Variants in ASTN2 observed in about 807,000 individuals in gnomAD.
The protein encoded by ASTN2 is astrotactin 2, also known as astrotactin-2.
ASTN2 carries 54 observed loss-of-function variants against 139.8 expected under a neutral mutation model. The observed-to-expected ratio is 0.39, with a 90% CI of 0.31 to 0.48. ASTN2 has a LOEUF of 0.48. Ranked by LOEUF, ASTN2 falls within the 20% of genes least tolerant of loss-of-function variation. The pLI, the probability that ASTN2 is intolerant of heterozygous loss-of-function variation, is 0.95. For synonymous variants in ASTN2, 756 were observed against 719.5 expected (o/e 1.05, Z -0.81); for missense variants, 1,565 against 1,725.1 (o/e 0.91, Z 1.64).
At chr9:117,257,765 G>C (rs958138200) in intron 2 of ASTN2, among the ~76,000 whole-genome samples, 16 of 152,270 alleles carry the variant, frequency 1.1e-4, no homozygotes, top group Middle Eastern at 3.4e-3. Flanking sequence ...AGAAATGAGG[G>C]GCAAAACAGC....
intron 19 of ASTN2, among the ~76,000 whole-genome samples, chr9:116,564,416 T>A (rs1853080243): frequency 2.0e-5 from 3 of 152,090 alleles, no homozygotes; most frequent in Admixed American, 2.0e-4. Flanking sequence ...ACCCTAAACA[T>A]CTCATTCATT....
chr9:117,406,004 C>T (rs1409657750), intron 1 of ASTN2, among the ~76,000 whole-genome samples: 1 of 152,164 alleles, frequency 6.6e-6, no homozygotes, highest in Non-Finnish European at 1.5e-5. Context: ...TCACTCTTAA[C>T]AGGGTAGTGC....
intron 10 of ASTN2, among the ~76,000 whole-genome samples, chr9:116,875,172 TCTTGCACCAGTTA>T (rs758537550): frequency 4.3e-3 from 648 of 152,322 alleles, no homozygotes; most frequent in Non-Finnish European, 6.8e-3. Flanking sequence ...AAGCTGGGCC[TCTTGCACCAGTTA>T]GGCAAGATGT....
intron 5 of ASTN2, among the ~76,000 whole-genome samples, chr9:117,056,718 C>A (rs144311765): frequency 9.3e-4 from 141 of 152,332 alleles, no homozygotes; most frequent in African/African-American, 3.2e-3. Flanking sequence ...CACACATCAA[C>A]CCTGGAAGTT....
intron 2 of ASTN2, among the ~76,000 whole-genome samples, chr9:117,251,595 T>C (rs543956240): frequency 3.3e-4 from 51 of 152,312 alleles, no homozygotes; most frequent in African/African-American, 1.2e-3. Context: ...TTTCAACCTA[T>C]CTAAAGCCCT....
chr9:117,138,579 G>A (rs1365779384), intron 4 of ASTN2, among the ~76,000 whole-genome samples: 1 of 152,190 alleles, frequency 6.6e-6, no homozygotes, highest in Non-Finnish European at 1.5e-5. Flanking sequence ...TTTTAAGCAG[G>A]GGAGGGGCTT....
chr9:117,035,867 T>C (rs1039266531), intron 6 of ASTN2, among the ~76,000 whole-genome samples: 2 of 152,326 alleles, frequency 1.3e-5, no homozygotes, highest in Admixed American at 6.5e-5. Context: ...ACAGAGCATA[T>C]AATGTATTCC....
intron 10 of ASTN2, among the ~76,000 whole-genome samples, chr9:116,879,587 A>G (rs1386765581): frequency 6.6e-6 from 1 of 152,186 alleles, no homozygotes; most frequent in Non-Finnish European, 1.5e-5. Context: ...TAGATAATAA[A>G]ACTTCCATGA....
At chr9:116,914,577 A>T (rs924380378) in intron 10 of ASTN2, among the ~76,000 whole-genome samples, 2 of 140,278 alleles carry the variant, frequency 1.4e-5, no homozygotes, top group African/African-American at 5.3e-5. Context: ...TATTATTTAT[A>T]TATATTTTTT....
chr9:116,596,842 A>T (rs1186602830), intron 19 of ASTN2, among the ~76,000 whole-genome samples: 1 of 152,160 alleles, frequency 6.6e-6, no homozygotes. Context: ...ACTCCCATAA[A>T]GGAGTTAACA....
intron 11 of ASTN2, among the ~76,000 whole-genome samples, chr9:116,835,865 T>C (rs1464167459): frequency 6.6e-6 from 1 of 152,174 alleles, no homozygotes; most frequent in African/African-American, 2.4e-5. Context: ...TAGCTCACTA[T>C]AGCCTCAAAC....
At chr9:116,847,018 AAAAAAAAAC>A (rs1281496252) in intron 11 of ASTN2, among the ~76,000 whole-genome samples, 1 of 146,166 alleles carries the variant, frequency 6.8e-6, no homozygotes, top group Non-Finnish European at 1.5e-5. Context: ...AAAAAAAAAA[AAAAAAAAAC>A]AAAAAACAAA....
chr9:117,299,359 C>G (rs2130796970), intron 1 of ASTN2, among the ~76,000 whole-genome samples: 1 of 152,252 alleles, frequency 6.6e-6, no homozygotes, highest in Middle Eastern at 3.4e-3. Context: ...GGAGCTTAGT[C>G]CAAGGGGCTG....
chr9:117,229,038 C>A (rs530110097), intron 2 of ASTN2, among the ~76,000 whole-genome samples: 3 of 150,944 alleles, frequency 2.0e-5, no homozygotes, highest in East Asian at 2.0e-4. Flanking sequence ...ACAAAAAAAA[C>A]CATGAAGTTC....
intron 16 of ASTN2, among the ~76,000 whole-genome samples, chr9:116,664,382 G>C (rs1178633953): frequency 6.6e-6 from 1 of 150,402 alleles, no homozygotes; most frequent in Non-Finnish European, 1.5e-5. Context: ...GTCCAGCCCA[G>C]AGCACTGTTT....
intron 11 of ASTN2, among the ~76,000 whole-genome samples, chr9:116,830,001 A>G (rs1438654338): frequency 6.6e-6 from 1 of 152,226 alleles, no homozygotes; most frequent in Admixed American, 6.5e-5. Flanking sequence ...CAATTAAACT[A>G]AAGAGCTACA....
At position 117,047,188 on chromosome 9, in the gene ASTN2, G is replaced by A. The variant is rs191820174; in HGVS notation, c.1277-7223C>T. 1.8e-3 allele frequency among the ~76,000 whole-genome samples: 276 copies of A among 152,326 alleles called. 2 individuals carry two copies. Among genetic ancestry groups the A allele is most frequent in the African/African-American group, 6.1e-3 (253 of 41,572 alleles). Reference sequence around the variant, plus strand: ...GCAAGTGTCATACTGGAGGCAGAAAGAAAGAATATTTTAAACTGGGGCTTT... The same window carrying A: ...GCAAGTGTCATACTGGAGGCAGAAAAAAAGAATATTTTAAACTGGGGCTTT... On this transcript the variant is annotated intron_variant, in intron 5 of 22. Coordinates refer to ENST00000313400, the MANE Select transcript of ASTN2 (RefSeq NM_001365068.1).
rs114779088 is a variant in ASTN2 at position 117,085,604 on chromosome 9, G to A, written c.1276+10440C>T. Among the ~76,000 whole-genome samples the A allele has an allele frequency of 5.7e-3, 862 of 152,220 alleles. 4 individuals carry two copies. Among genetic ancestry groups the A allele is most frequent in the South Asian group, 0.019 (94 of 4,822 alleles). ...GGTGCCCTGGGACGGCTGGTCCTAC[G>A]GATGCTGCCTTTTGTCCTCCATACT... On this transcript the variant is annotated intron_variant, in intron 5 of 22. Transcript: ENST00000313400.
At chr9:116,790,724 G>A (rs1446941128) in intron 13 of ASTN2, among the ~76,000 whole-genome samples, 1 of 146,468 alleles carries the variant, frequency 6.8e-6, no homozygotes, top group Non-Finnish European at 1.5e-5. Flanking sequence ...CACCCAGGCT[G>A]GAGTGCAGTG....
Sources: allele counts gnomAD v4.1 joint callset (sites outside exome capture counted in the v4.1 genomes callset), GRCh38; gene constraint gnomAD v4.1.1; transcripts MANE v1.5; gene names NCBI Gene and HGNC (gene_info 2026-07-23, HGNC 2026-07-21).